WDR18: variants seen among roughly 807,000 people sequenced by gnomAD.
WDR18 encodes WD repeat domain 18.
In WDR18, 33 loss-of-function variants were observed where a neutral mutation model predicts 49.6. The observed-to-expected ratio is 0.67, with a 90% CI of 0.50 to 0.89. The LOEUF is 0.89. WDR18 is among the 40% of genes least tolerant of loss of function. The pLI, the probability that WDR18 is intolerant of heterozygous loss-of-function variation, is 0.00. For missense variants in WDR18, 653 were observed against 593.6 expected (o/e 1.10, Z -1.04); for synonymous variants, 315 against 263.6 (o/e 1.19, Z -1.89).
rs950003010 is a variant in WDR18, at chr19:991,093, G to A, written c.754G>A (p.Glu252Lys). 1.4e-5 allele frequency: 23 copies of A among 1,601,444 alleles called. No individual in the cohort carries two copies. The highest frequency in any genetic ancestry group is 2.0e-5 in the Non-Finnish European group (23 of 1,174,590). Residue 252 changes from glutamate (E) to lysine (K), a missense_variant, in exon 6 of 10, where the codon GAG becomes AAG. Glu to Lys is a moderately conservative substitution (Grantham distance 56, BLOSUM62 1). Transcript: ENST00000585809. ...VDLFTWPGQRERSFHPEQDAG... is the reference protein window; with the variant it reads ...VDLFTWPGQRKRSFHPEQDAG... Reference sequence around the variant, plus strand: ...TCGGCCTTCGCAGCCCGGACAGAGGGAGAGGAGCTTCCACCCAGAGCAGGA... The same window carrying A: ...TCGGCCTTCGCAGCCCGGACAGAGGAAGAGGAGCTTCCACCCAGAGCAGGA...
chr19:993,986 G>A (rs993340422), intron 8 of WDR18, 34 bp from the exon 9 acceptor site: 26 of 1,547,220 alleles, frequency 1.7e-5, no homozygotes, highest in Admixed American at 2.0e-5. Context: ...GTGACAGGAC[G>A]CGCCCCGAGG....
chr19:984,343 G>A (rs763353746), upstream of WDR18: 23 of 1,583,874 alleles, frequency 1.5e-5, no homozygotes, highest in Non-Finnish European at 1.9e-5. Flanking sequence ...CGGGGCGGTG[G>A]GGAAGGCAAG....
At position 987,875 on chromosome 19, in the gene WDR18, C is replaced by G. The variant is rs569259239; in HGVS notation, c.322-1887C>G. Among the ~76,000 whole-genome samples, 3 of 127,748 alleles carry G rather than the reference C, an allele frequency of 2.3e-5. No individual in the cohort carries two copies. In the South Asian group the frequency reaches 8.4e-4, roughly 36 times the overall value. The allele number at this position is 127,748 out of a possible 152,430, so 83.8% of individuals were successfully genotyped here. A position where few individuals can be genotyped will look rare whatever the true frequency, so the allele number is the denominator to read the frequency against. ...TTTCAGATGAAGTCTCGCTCTGTTG[C>G]CCGGGCTGGAGTGCAGTGGCTCAAT... On this transcript the variant is annotated intron_variant, in intron 2 of 9. Coordinates refer to ENST00000585809, the MANE Select transcript of WDR18 (RefSeq NM_024100.4).
In WDR18 at chr19:994,360, G is replaced by A. The variant is rs1342233008; in HGVS notation, c.*16G>A. 3.8e-6 allele frequency: 6 copies of A among 1,598,116 alleles called. No individual in the cohort carries two copies. The highest frequency in any genetic ancestry group is 5.1e-6 in the Non-Finnish European group (6 of 1,174,532). On this transcript the variant is annotated 3_prime_UTR_variant, in exon 10 of 10. Transcript: ENST00000585809. ...GGCCAAGTGAGGCCCGGAGACCCCG[G>A]CCCGAGGCGCCCAGGCCTGAGCCCC...
rs751046107 is a variant in WDR18, at chr19:989,922, A to G, written c.455+27A>G. Reference sequence around the variant, plus strand: ...TAGCGCCTTGCGCACTCAGGCCTGCACCTGGAACTGCACCCGGGCTCAGGC... The same window carrying G: ...TAGCGCCTTGCGCACTCAGGCCTGCGCCTGGAACTGCACCCGGGCTCAGGC... On this transcript the variant is annotated intron_variant, in intron 3 of 9. Transcript: ENST00000585809. 4.5e-6 allele frequency: 7 copies of G among 1,572,264 alleles called. No homozygotes were observed. In the South Asian group the frequency reaches 4.7e-5, roughly 11 times the overall value.
chr19:985,385 G>T (rs548561544), intron 1 of WDR18, among the ~76,000 whole-genome samples: 5 of 152,136 alleles, frequency 3.3e-5, no homozygotes, highest in Non-Finnish European at 7.4e-5. Flanking sequence ...GGCCAGGCTG[G>T]TCTCGAACTC....
chr19:985,983 G>T lies in WDR18; in HGVS notation c.321+8G>T. 6.2e-7 allele frequency: 1 copy of T among 1,612,814 alleles called. No individual in the cohort carries two copies. The highest frequency in any genetic ancestry group is 1.1e-5 in the South Asian group (1 of 91,068). On this transcript the variant is annotated splice_region_variant and intron_variant, in intron 2 of 9. Transcript: ENST00000585809. ...AGCATCCACCTGTGGGAGGTAAGAG[G>T]AGCAAAGCGTGAGCGTTTCCCACAG...
At chr19:983,561 C>CT (rs34868789), upstream of WDR18, among the ~76,000 whole-genome samples, 14,214 of 141,888 alleles carry the variant, frequency 0.1, 765 homozygotes, top group South Asian at 0.15. Context: ...AGCGCCCGGC[C>CT]TTTTTTTTTT....
At chr19:985,280 C>T (rs1436030743) in intron 1 of WDR18, among the ~76,000 whole-genome samples, 2 of 152,214 alleles carry the variant, frequency 1.3e-5, no homozygotes, top group Admixed American at 6.5e-5. Flanking sequence ...ATTCTCGGGC[C>T]TCAGCCTCCT....
chr19:984,715 G>A (rs2145500753), intron 1 of WDR18, 152 bp downstream of exon 1: 1 of 864,698 alleles, frequency 1.2e-6, no homozygotes, highest in South Asian at 2.1e-5. Flanking sequence ...GCGCGGGTCT[G>A]GGGGCTTTGG....
rs1164366400 is a variant in WDR18, at chr19:984,839, T to C, written c.210+276T>C. 2.6e-5 allele frequency among the ~76,000 whole-genome samples: 4 copies of C among 151,994 alleles called. No individual in the cohort carries two copies. The East Asian group carries it at 7.7e-4, about 29-fold the overall frequency. The stretch of plus-strand genomic sequence containing the variant: ...CGCTCCGGGGGGTCCCTTGGGGCAA[T>C]TGCGCATGCACGAGTTCTTGGAGCG... On this transcript the variant is annotated intron_variant, in intron 1 of 9. Coordinates refer to ENST00000585809, the MANE Select transcript of WDR18 (RefSeq NM_024100.4).
upstream of WDR18, chr19:984,193 G>A (rs1376718497): frequency 3.9e-6 from 3 of 777,388 alleles, no homozygotes; most frequent in Non-Finnish European, 5.7e-6. Flanking sequence ...TCAGGTAAGC[G>A]GGAAATCCCA....
In WDR18 at chr19:990,371, C is replaced by T. The variant is rs776023401; in HGVS notation, c.597+7C>T. The T allele has an allele frequency of 2.7e-5, 41 of 1,537,840 alleles. 1 individual carries two copies. The Middle Eastern group carries it at 5.1e-4, about 19-fold the overall frequency. ...ACTGGACCAGACGGTGAAGGTACGC[C>T]GCCCCCACCCCACCACGGTCCATGA... On this transcript the variant is annotated splice_region_variant and intron_variant, in intron 4 of 9. Transcript: ENST00000585809.
Position 994,436 on chromosome 19 carries a change from C to G in WDR18, c.*92C>G. The G allele has an allele frequency of 6.7e-7, 1 of 1,495,624 alleles. No individual in the cohort carries two copies. Among genetic ancestry groups the G allele is most frequent in the Non-Finnish European group, 8.9e-7 (1 of 1,118,308 alleles). 92.6% of individuals were successfully genotyped at this position (1,495,624 alleles called of 1,614,324 possible). On this transcript the variant is annotated 3_prime_UTR_variant, in exon 10 of 10. Coordinates refer to ENST00000585809, the MANE Select transcript of WDR18 (RefSeq NM_024100.4). ...GGGTGTGGCCCCCACCAGCCCAGGC[C>G]TGGACTCTCCTCAGTTCTGTGTCGT...
intron 2 of WDR18, among the ~76,000 whole-genome samples, chr19:988,440 T>C (rs2038499097): frequency 6.6e-6 from 1 of 152,160 alleles, no homozygotes; most frequent in African/African-American, 2.4e-5. Flanking sequence ...AGAGCTGCCC[T>C]CTGTGGTTTG....
rs1031923043 is a variant in WDR18 at position 990,507 on chromosome 19, A to G, written c.597+143A>G. 1.3e-5 allele frequency: 16 copies of G among 1,236,672 alleles called. No individual in the cohort carries two copies. In the Admixed American group the frequency reaches 3.5e-4, roughly 27 times the overall value. 76.6% of individuals were successfully genotyped at this position (1,236,672 alleles called of 1,614,324 possible). A position where few individuals can be genotyped will look rare whatever the true frequency, so the allele number is the denominator to read the frequency against. On this transcript the variant is annotated intron_variant, in intron 4 of 9. Coordinates refer to ENST00000585809, the MANE Select transcript of WDR18 (RefSeq NM_024100.4). ...TTAATCCCCTGGTGCTCTGAGCCCA[A>G]GGACGTCCAGGGAGGTCTGCCAGCC...
intron 1 of WDR18, 110 bp from the exon 2 acceptor site, chr19:985,755 C>T (rs909592812): frequency 4.5e-5 from 44 of 973,342 alleles, no homozygotes; most frequent in Non-Finnish European, 6.9e-5. Flanking sequence ...ACTCCTCTTC[C>T]TGGTTCTCTG....
intron 8 of WDR18, among the ~76,000 whole-genome samples, chr19:993,017 G>A (rs2145515885): frequency 6.6e-6 from 1 of 152,354 alleles, no homozygotes; most frequent in Non-Finnish European, 1.5e-5. Context: ...GCTTCCTCAT[G>A]GAGTGACACT....
rs1256028090 is a variant in WDR18, at chr19:991,210, C to T, written c.807-17C>T. On this transcript the variant is annotated splice_polypyrimidine_tract_variant and intron_variant, in intron 6 of 9. Coordinates refer to ENST00000585809, the MANE Select transcript of WDR18 (RefSeq NM_024100.4). The stretch of plus-strand genomic sequence containing the variant: ...CCTGTCTGGCACGTCCCAGGTGACC[C>T]CTGTCTGTCTGTCCAGGAACCAGGT... The T allele has an allele frequency of 6.4e-6, 10 of 1,559,188 alleles. No homozygotes were observed. The highest frequency in any genetic ancestry group is 1.9e-5 in the Admixed American group (1 of 54,018).
Sources: allele counts gnomAD v4.1 joint callset (sites outside exome capture counted in the v4.1 genomes callset), GRCh38; gene constraint gnomAD v4.1.1; transcripts MANE v1.5; gene names NCBI Gene and HGNC (gene_info 2026-07-23, HGNC 2026-07-21).